DPP6: variants seen among roughly 807,000 people sequenced by gnomAD.
The protein encoded by DPP6 is A-type potassium channel modulatory protein DPP6.
DPP6 carries 69 observed loss-of-function variants against 122.6 expected under a neutral mutation model. The ratio of observed to expected loss-of-function variants is 0.56; its 90% CI spans 0.46 to 0.69. The LOEUF (loss-of-function observed/expected upper bound fraction) is 0.69, where lower values mean the gene tolerates loss of function less well. Among genes scored for constraint, DPP6 ranks in the 30% least tolerant of loss-of-function variants. The probability of loss-of-function intolerance (pLI) is 0.00; values close to 1 mark genes in which losing one functional copy is unlikely to be tolerated. For missense variants in DPP6, 928 were observed against 1,116.9 expected, an observed-to-expected ratio of 0.83 and a Z score of 2.41; for synonymous variants, 418 against 433.1, an observed-to-expected ratio of 0.97 and a Z score of 0.43.
intron 1 of DPP6, among the ~76,000 whole-genome samples, chr7:154,010,134 C>G (rs1798092816): frequency 6.6e-6 from 1 of 152,166 alleles, no homozygotes; most frequent in South Asian, 2.1e-4. Context: ...GCCCATCCGA[C>G]TTAGCTTGAA....
intron 16 of DPP6, among the ~76,000 whole-genome samples, chr7:154,845,572 T>G (rs1801881388): frequency 6.6e-6 from 1 of 152,022 alleles, no homozygotes; most frequent in Admixed American, 6.5e-5. Flanking sequence ...AAATGGCGAG[T>G]TGATGGGTGC....
At chr7:154,641,949 CTG>C (rs1836128539) in intron 6 of DPP6, among the ~76,000 whole-genome samples, 1 of 152,152 alleles carries the variant, frequency 6.6e-6, no homozygotes, top group African/African-American at 2.4e-5. Context: ...CCAAACAAAA[CTG>C]TGAAAAAATT....
intron 3 of DPP6, among the ~76,000 whole-genome samples, chr7:154,507,246 T>C (rs1489723942): frequency 6.6e-6 from 1 of 151,916 alleles, no homozygotes; most frequent in Non-Finnish European, 1.5e-5. Context: ...TTAGAAAGCA[T>C]AATCAAATAA....
chr7:154,449,049 TC>T (rs1016011321), intron 2 of DPP6, among the ~76,000 whole-genome samples: 3 of 152,088 alleles, frequency 2.0e-5, no homozygotes, highest in African/African-American at 7.2e-5. Flanking sequence ...GTGCAAGCAA[TC>T]AAATAAAAAA....
At chr7:154,197,734 A>G (rs1798941147) in intron 1 of DPP6, among the ~76,000 whole-genome samples, 1 of 152,348 alleles carries the variant, frequency 6.6e-6, no homozygotes, top group South Asian at 2.1e-4. Context: ...GTTCTTAATA[A>G]GAATCAATAA....
chr7:154,575,955 T>C (rs1262361052), intron 5 of DPP6, among the ~76,000 whole-genome samples: 2 of 152,044 alleles, frequency 1.3e-5, no homozygotes, highest in African/African-American at 4.8e-5. Context: ...AAATATTTAT[T>C]TGTCTCATGC....
chr7:153,926,323 A>G (rs1273277131), intron 1 of DPP6, among the ~76,000 whole-genome samples: 1 of 152,228 alleles, frequency 6.6e-6, no homozygotes, highest in African/African-American at 2.4e-5. Context: ...TCACATTTCT[A>G]TCCTATTAGG....
At chr7:153,896,202 G>A (rs1799406975) in intron 1 of DPP6, among the ~76,000 whole-genome samples, 1 of 152,058 alleles carries the variant, frequency 6.6e-6, no homozygotes, top group Non-Finnish European at 1.5e-5. Flanking sequence ...TATGGTATTG[G>A]TCCTATATAA....
intron 3 of DPP6, among the ~76,000 whole-genome samples, chr7:154,482,909 T>C (rs1043008957): frequency 6.6e-6 from 1 of 152,178 alleles, no homozygotes; most frequent in African/African-American, 2.4e-5. Flanking sequence ...GATTCTCTAT[T>C]CTTGACAGGG....
intron 1 of DPP6, among the ~76,000 whole-genome samples, chr7:154,426,580 A>C (rs770811279): frequency 4.0e-4 from 61 of 152,134 alleles, no homozygotes; most frequent in Non-Finnish European, 7.5e-4. Context: ...TGTGATTGGG[A>C]CATACAAGTG....
rs1252139518 is a variant in DPP6 at position 154,893,243 on chromosome 7, T to C, written c.*763T>C. The C allele has an allele frequency of 3.7e-6, 1 of 272,314 alleles. No individual in the cohort carries two copies. Among genetic ancestry groups the C allele is most frequent in the East Asian group, 1.1e-4 (1 of 9,396 alleles). 16.9% of individuals were successfully genotyped at this position (272,314 alleles called of 1,614,324 possible). On this transcript the variant is annotated 3_prime_UTR_variant, in exon 26 of 26. Transcript: ENST00000377770. ...GAAGTAACTGCTCCCTCCTCAAGGT[T>C]GTCTTCAGACGTCTTGGGGACGTTC...
intron 1 of DPP6, among the ~76,000 whole-genome samples, chr7:153,949,536 A>C (rs537255485): frequency 6.6e-6 from 1 of 152,256 alleles, no homozygotes; most frequent in African/African-American, 2.4e-5. Flanking sequence ...CAGGTGAAGG[A>C]AAAGGTGGGT....
chr7:154,665,921 A>G (rs1346475447), intron 6 of DPP6, among the ~76,000 whole-genome samples: 1 of 151,730 alleles, frequency 6.6e-6, no homozygotes, highest in Non-Finnish European at 1.5e-5. Flanking sequence ...GTCCCATTCT[A>G]GCATGCACAC....
intron 16 of DPP6, among the ~76,000 whole-genome samples, chr7:154,831,698 T>G (rs1800641894): frequency 6.6e-6 from 1 of 152,160 alleles, no homozygotes; most frequent in African/African-American, 2.4e-5. Flanking sequence ...CATAATCAAG[T>G]TTTCCTTTTC....
At chr7:154,163,644 A>T (rs1367147195) in intron 1 of DPP6, among the ~76,000 whole-genome samples, 8 of 152,176 alleles carry the variant, frequency 5.3e-5, no homozygotes, top group Non-Finnish European at 1.2e-4. Flanking sequence ...TTGCTAGTGC[A>T]ATGATGCTTC....
intron 1 of DPP6, among the ~76,000 whole-genome samples, chr7:154,041,265 A>G (rs964729414): frequency 6.6e-6 from 1 of 152,246 alleles, no homozygotes; most frequent in Non-Finnish European, 1.5e-5. Context: ...GCAAAAATCA[A>G]TAAAAAGCCC....
At chr7:154,060,554 C>T (rs1292861203) in intron 1 of DPP6, among the ~76,000 whole-genome samples, 1 of 133,338 alleles carries the variant, frequency 7.5e-6, no homozygotes, top group Admixed American at 7.5e-5. Context: ...AAGTTCAAAT[C>T]TTCCGACGGC....
intron 1 of DPP6, among the ~76,000 whole-genome samples, chr7:154,195,352 A>C (rs6464388): frequency 0.36 from 53,943 of 151,942 alleles, 11,442 homozygotes; most frequent in African/African-American, 0.6. Flanking sequence ...CCAGGAGCCC[A>C]CCTGGAGGAA....
At position 154,627,964 on chromosome 7, in the gene DPP6, C is replaced by T. The variant is rs374616050; in HGVS notation, c.628-9857C>T. On this transcript the variant is annotated intron_variant, in intron 5 of 25. Transcript: ENST00000377770. ...ATGCTAAGGCCTGAATGCATTTATTCATGGTTCAGGCAGCTGTAGCCAACA... is the reference window on the plus strand; with the variant it reads ...ATGCTAAGGCCTGAATGCATTTATTTATGGTTCAGGCAGCTGTAGCCAACA... 5.3e-5 allele frequency among the ~76,000 whole-genome samples: 8 copies of T among 152,316 alleles called. No individual in the cohort carries two copies. In the South Asian group the frequency reaches 1.7e-3, roughly 32 times the overall value.
Sources: gnomAD v4.1 joint callset for allele counts (sites outside exome capture counted in the v4.1 genomes callset) on GRCh38, gnomAD v4.1.1 for gene constraint, MANE v1.5 for transcripts, NCBI Gene and HGNC (gene_info 2026-07-23, HGNC 2026-07-21) for gene names.